Variants in KIZ observed in about 807,000 individuals in gnomAD.
The protein encoded by KIZ is centrosomal protein kizuna.
In KIZ, 68 loss-of-function variants were observed where a neutral mutation model predicts 79.6. The ratio of observed to expected loss-of-function variants is 0.85; its 90% confidence interval spans 0.70 to 1.05. The LOEUF (loss-of-function observed/expected upper bound fraction) is 1.05, where lower values mean the gene tolerates loss of function less well. KIZ is among the 50% of genes least tolerant of loss of function. KIZ has a pLI of 0.00. For missense variants in KIZ, 797 were observed against 800.4 expected (o/e 1.00, Z 0.05); for synonymous variants, 280 against 281.8 (o/e 0.99, Z 0.06).
intron 6 of KIZ, among the ~76,000 whole-genome samples, chr20:21,201,458 T>C (rs530596897): frequency 1.3e-5 from 2 of 152,340 alleles, no homozygotes; most frequent in South Asian, 4.1e-4. Flanking sequence ...CCAATTGTGT[T>C]CTTATGCTCA....
At chr20:21,149,134 A>G (rs2032990660) in intron 4 of KIZ, among the ~76,000 whole-genome samples, 1 of 152,256 alleles carries the variant, frequency 6.6e-6, no homozygotes, top group Admixed American at 6.5e-5. Context: ...GCCGAAAACT[A>G]CACAACCAGG....
chr20:21,168,311 AGTCT>A (rs2034047240), intron 6 of KIZ, among the ~76,000 whole-genome samples: 1 of 152,156 alleles, frequency 6.6e-6, no homozygotes, highest in Non-Finnish European at 1.5e-5. Flanking sequence ...TTCTTAATCC[AGTCT>A]GTCATTGTTG....
chr20:21,164,091 C>T (rs953862915), intron 6 of KIZ, among the ~76,000 whole-genome samples: 1 of 152,194 alleles, frequency 6.6e-6, no homozygotes, highest in African/African-American at 2.4e-5. Flanking sequence ...TGCCCCACCC[C>T]CAGAATTTTC....
chr20:21,128,459 G>A (rs2031624443), intron 1 of KIZ, among the ~76,000 whole-genome samples: 1 of 151,870 alleles, frequency 6.6e-6, no homozygotes, highest in Non-Finnish European at 1.5e-5. Context: ...TGGGAAGTGG[G>A]AGACAAAAAA....
At position 21,227,130 on chromosome 20, in the gene KIZ, A is replaced by G. The variant is rs895761669; in HGVS notation, c.1679-1881A>G. 1.6e-4 allele frequency among the ~76,000 whole-genome samples: 24 copies of G among 152,278 alleles called. No individual in the cohort carries two copies. The East Asian group carries it at 4.6e-3, about 29-fold the overall frequency. ...GTAATTTCCTCCCTTGCTAACTTCA[A>G]ACCAGTAATACTATCAGCCCTTCTC... On this transcript the variant is annotated intron_variant, in intron 9 of 12. Transcript: ENST00000619189.
chr20:21,184,768 G>T (rs1420547767), intron 6 of KIZ, among the ~76,000 whole-genome samples: 1 of 152,172 alleles, frequency 6.6e-6, no homozygotes, highest in East Asian at 1.9e-4. Flanking sequence ...CTGGGGCCTC[G>T]TGTCGTGGCA....
In KIZ at chr20:21,147,576, G is replaced by A. The variant is rs183406781; in HGVS notation, c.405+1922G>A. ...ATTGACCTCCAGGGCCTTTCCTGAA[G>A]CATAGTACAGTCACTGGTTGAATCA... On this transcript the variant is annotated intron_variant, in intron 4 of 12. Transcript: ENST00000619189. Among the ~76,000 whole-genome samples, 497 of 152,292 alleles carry A rather than the reference G, an allele frequency of 3.3e-3. 2 individuals carry two copies. The highest frequency in any genetic ancestry group is 0.012 in the African/African-American group (484 of 41,554).
At chr20:21,162,761 G>GT (rs1311043547) in intron 5 of KIZ, 89 bp from the exon 6 acceptor site, 10 of 1,082,326 alleles carry the variant, frequency 9.2e-6, no homozygotes, top group Non-Finnish European at 1.3e-5. Context: ...GCTTCTCCAT[G>GT]TTTTTAACTG....
rs571747210 is a variant in KIZ at position 21,127,309 on chromosome 20, C to T, written c.89+1105C>T. ...AATTTCTGACTTTAAAAAGAAATCTCTTCCTGTAGAGCCTTCCCTGTTTCA... is the reference window on the plus strand; with the variant it reads ...AATTTCTGACTTTAAAAAGAAATCTTTTCCTGTAGAGCCTTCCCTGTTTCA... On this transcript the variant is annotated intron_variant, in intron 1 of 12. Coordinates refer to ENST00000619189, the MANE Select transcript of KIZ (RefSeq NM_018474.6). 1.6e-3 allele frequency among the ~76,000 whole-genome samples: 243 copies of T among 152,290 alleles called. 2 individuals carry two copies. In the South Asian group the frequency reaches 0.019, roughly 12 times the overall value.
chr20:21,125,987 T>C, upstream of KIZ: 1 of 1,302,402 alleles, frequency 7.7e-7, no homozygotes, highest in Non-Finnish European at 9.8e-7. Flanking sequence ...CCCCACGGCG[T>C]CTTGCCCCGC....
At chr20:21,221,143 C>G (rs1220110359) in intron 9 of KIZ, among the ~76,000 whole-genome samples, 1 of 152,184 alleles carries the variant, frequency 6.6e-6, no homozygotes, top group Admixed American at 6.5e-5. Context: ...GAGAGAAAGT[C>G]TGCCTTTTGA....
At chr20:21,173,954 A>T (rs983482936) in intron 6 of KIZ, among the ~76,000 whole-genome samples, 1 of 152,222 alleles carries the variant, frequency 6.6e-6, no homozygotes, top group Non-Finnish European at 1.5e-5. Flanking sequence ...AAAGTGGCCC[A>T]GGGCATGACT....
At chr20:21,229,331 T>C (rs561527358) in intron 10 of KIZ, among the ~76,000 whole-genome samples, 1 of 152,390 alleles carries the variant, frequency 6.6e-6, no homozygotes, top group African/African-American at 2.4e-5. Flanking sequence ...AGCATGGCAA[T>C]GGCCCTTCCA....
At chr20:21,144,699 C>T (rs1034889291) in intron 3 of KIZ, among the ~76,000 whole-genome samples, 6 of 152,016 alleles carry the variant, frequency 3.9e-5, no homozygotes, top group Admixed American at 1.3e-4. Context: ...ATTTGTTTTT[C>T]GTATGTCAAA....
intron 3 of KIZ, among the ~76,000 whole-genome samples, chr20:21,143,646 A>G (rs1300988063): frequency 1.3e-5 from 2 of 152,226 alleles, no homozygotes; most frequent in Non-Finnish European, 2.9e-5. Flanking sequence ...ATACAGTGAC[A>G]GACAGAACAA....
intron 6 of KIZ, among the ~76,000 whole-genome samples, chr20:21,193,855 T>C: frequency 1.3e-5 from 1 of 79,320 alleles, no homozygotes; most frequent in African/African-American, 5.2e-5. Flanking sequence ...GGGACTGTTG[T>C]GGGGTGGGGG....
chr20:21,199,927 T>C (rs1212797899), intron 6 of KIZ, among the ~76,000 whole-genome samples: 1 of 152,348 alleles, frequency 6.6e-6, no homozygotes, highest in Middle Eastern at 3.4e-3. Flanking sequence ...CAAGAGATTC[T>C]TGTGCCTCAG....
chr20:21,217,521 G>A (rs2036340665), intron 9 of KIZ, among the ~76,000 whole-genome samples: 2 of 152,080 alleles, frequency 1.3e-5, no homozygotes, highest in African/African-American at 4.8e-5. Context: ...ATTCCTTCTA[G>A]AATATTCCAA....
intron 1 of KIZ, among the ~76,000 whole-genome samples, chr20:21,128,309 G>C (rs1408803080): frequency 1.3e-5 from 2 of 152,044 alleles, no homozygotes; most frequent in Non-Finnish European, 2.9e-5. Flanking sequence ...CACTGCACCC[G>C]GCCTTGGTTG....
Sources: allele counts gnomAD v4.1 joint callset (sites outside exome capture counted in the v4.1 genomes callset), GRCh38; gene constraint gnomAD v4.1.1; transcripts MANE v1.5; gene names NCBI Gene and HGNC (gene_info 2026-07-23, HGNC 2026-07-21).